PLCB1: variants seen among roughly 807,000 people sequenced by gnomAD.
The protein encoded by PLCB1 is phospholipase C beta 1.
PLCB1 carries 46 observed loss-of-function variants against 161.8 expected under a neutral mutation model. That is an observed-to-expected ratio of 0.28 (90% CI 0.22 to 0.36). The LOEUF (loss-of-function observed/expected upper bound fraction) is 0.36, where lower values mean the gene tolerates loss of function less well. PLCB1 is among the 10% of genes least tolerant of loss of function. The pLI is 1.00. For missense variants in PLCB1, 1,016 were observed against 1,472.5 expected (o/e 0.69, Z 5.07); for synonymous variants, 517 against 503.7 (o/e 1.03, Z -0.35).
intron 31 of PLCB1, among the ~76,000 whole-genome samples, chr20:8,826,238 G>A (rs894913703): frequency 1.3e-5 from 2 of 152,162 alleles, no homozygotes; most frequent in Non-Finnish European, 2.9e-5. Flanking sequence ...GCTCACATCT[G>A]TAATCCCAGC....
intron 3 of PLCB1, among the ~76,000 whole-genome samples, chr20:8,380,701 T>C (rs1987228518): frequency 6.6e-6 from 1 of 152,156 alleles, no homozygotes; most frequent in Non-Finnish European, 1.5e-5. Flanking sequence ...ATGCTCTTTG[T>C]AGCAGTTGTG....
chr20:8,489,191 G>T (rs1387619488), intron 3 of PLCB1, among the ~76,000 whole-genome samples: 1 of 152,064 alleles, frequency 6.6e-6, no homozygotes, highest in Non-Finnish European at 1.5e-5. Context: ...ATGAAAGGGG[G>T]GTTAGGGGCA....
chr20:8,505,328 A>C (rs991158908), intron 3 of PLCB1, among the ~76,000 whole-genome samples: 1 of 152,212 alleles, frequency 6.6e-6, no homozygotes, highest in Non-Finnish European at 1.5e-5. Flanking sequence ...CTTGAGACCC[A>C]GCAGTTTGCT....
intron 3 of PLCB1, among the ~76,000 whole-genome samples, chr20:8,584,800 C>G (rs1363052269): frequency 6.6e-6 from 1 of 152,088 alleles, no homozygotes; most frequent in Non-Finnish European, 1.5e-5. Flanking sequence ...AAGCGATTCT[C>G]CTGCCTCAGC....
chr20:8,737,588 C>A (rs1980648327), intron 20 of PLCB1, among the ~76,000 whole-genome samples: 2 of 152,066 alleles, frequency 1.3e-5, no homozygotes, highest in Admixed American at 1.3e-4. Context: ...TTTAAATTCC[C>A]CAAAATCTCT....
intron 10 of PLCB1, among the ~76,000 whole-genome samples, chr20:8,686,641 G>GACT (rs1166559177): frequency 6.6e-6 from 1 of 152,108 alleles, no homozygotes; most frequent in African/African-American, 2.4e-5. Flanking sequence ...AGGGTTTTCA[G>GACT]ATTTTATGTA....
At chr20:8,702,282 GT>G (rs1287603246) in intron 11 of PLCB1, among the ~76,000 whole-genome samples, 1 of 152,044 alleles carries the variant, frequency 6.6e-6, no homozygotes, top group Non-Finnish European at 1.5e-5. Context: ...TCACCACTTA[GT>G]TTTTTCATTC....
chr20:8,690,702 G>A (rs1990457859), intron 10 of PLCB1, among the ~76,000 whole-genome samples: 1 of 152,190 alleles, frequency 6.6e-6, no homozygotes. Context: ...CAACCTTGTG[G>A]TTAATTTGTT....
intron 3 of PLCB1, among the ~76,000 whole-genome samples, chr20:8,501,700 A>C (rs1324576352): frequency 6.6e-6 from 1 of 151,270 alleles, no homozygotes; most frequent in African/African-American, 2.4e-5. Flanking sequence ...CTGAGGCACA[A>C]CTCTTCTATG....
intron 3 of PLCB1, among the ~76,000 whole-genome samples, chr20:8,568,102 T>A (rs1181718421): frequency 6.6e-6 from 1 of 152,194 alleles, no homozygotes; most frequent in Non-Finnish European, 1.5e-5. Flanking sequence ...ATGGGTCATG[T>A]ATTCTTGGAA....
In PLCB1 at chr20:8,741,878, A is replaced by T. The variant is rs2327099; in HGVS notation, c.2523+305A>T. 2.0e-5 allele frequency among the ~76,000 whole-genome samples: 3 copies of T among 152,058 alleles called. No homozygotes were observed. In the South Asian group the frequency reaches 6.2e-4, roughly 31 times the overall value. On this transcript the variant is annotated intron_variant, in intron 23 of 31. Transcript: ENST00000338037. ...ATTCCATGCTAATTAAAGGTGATGA[A>T]CGCATTTAAAAAGGAAGATAATCAT...
chr20:8,699,278 T>A (rs1176157160), intron 11 of PLCB1, among the ~76,000 whole-genome samples: 23 of 152,106 alleles, frequency 1.5e-4, no homozygotes. Flanking sequence ...GTAATTAAGG[T>A]GAGTGGAGAC....
chr20:8,650,734 T>TA (rs1301639463), intron 7 of PLCB1, among the ~76,000 whole-genome samples: 1 of 152,190 alleles, frequency 6.6e-6, no homozygotes, highest in Non-Finnish European at 1.5e-5. Context: ...CTTAGCATTT[T>TA]AAAATGTTTA....
chr20:8,205,102 A>G (rs1242903820), intron 2 of PLCB1, among the ~76,000 whole-genome samples: 1 of 152,198 alleles, frequency 6.6e-6, no homozygotes, highest in East Asian at 1.9e-4. Flanking sequence ...ATCCGAAAAG[A>G]CAGAGTGAAA....
At chr20:8,387,997 AG>A (rs1987479125) in intron 3 of PLCB1, among the ~76,000 whole-genome samples, 1 of 150,756 alleles carries the variant, frequency 6.6e-6, no homozygotes, top group Non-Finnish European at 1.5e-5. Flanking sequence ...AAAAAAAAAA[AG>A]AAGAAACTGA....
intron 2 of PLCB1, among the ~76,000 whole-genome samples, chr20:8,291,843 A>G (rs1276736018): frequency 6.6e-6 from 1 of 152,134 alleles, no homozygotes; most frequent in Non-Finnish European, 1.5e-5. Flanking sequence ...TAACATTAAG[A>G]TTGATGAAAT....
At chr20:8,437,505 A>G (rs1170744742) in intron 3 of PLCB1, among the ~76,000 whole-genome samples, 1 of 152,240 alleles carries the variant, frequency 6.6e-6, no homozygotes, top group East Asian at 1.9e-4. Flanking sequence ...TAAACTATAC[A>G]CAAATATATG....
At chr20:8,341,082 T>C (rs1201390359) in intron 2 of PLCB1, among the ~76,000 whole-genome samples, 2 of 152,030 alleles carry the variant, frequency 1.3e-5, no homozygotes, top group Non-Finnish European at 2.9e-5. Context: ...CCAACCTCCT[T>C]TCCCTTGTTC....
intron 3 of PLCB1, among the ~76,000 whole-genome samples, chr20:8,588,359 A>G (rs532162434): frequency 6.6e-6 from 1 of 152,306 alleles, no homozygotes; most frequent in Admixed American, 6.5e-5. Context: ...AACTTCTTAA[A>G]AAATGTGTAT....
Sources: gnomAD v4.1 joint callset for allele counts (sites outside exome capture counted in the v4.1 genomes callset) on GRCh38, gnomAD v4.1.1 for gene constraint, MANE v1.5 for transcripts, NCBI Gene and HGNC (gene_info 2026-07-23, HGNC 2026-07-21) for gene names.